IL17RD: variants seen among roughly 807,000 people sequenced by gnomAD.
IL17RD encodes the protein interleukin 17 receptor D.
In IL17RD, 52 loss-of-function variants were observed where a neutral mutation model predicts 80.5. The observed-to-expected ratio is 0.65, with a 90% confidence interval of 0.52 to 0.81. The LOEUF is 0.81. Among genes scored for constraint, IL17RD ranks in the 40% least tolerant of loss-of-function variants. The pLI is 0.00. For missense variants in IL17RD, 1,024 were observed against 955.1 expected, an observed-to-expected ratio of 1.07 and a Z score of -0.95; for synonymous variants, 416 against 391.8, an observed-to-expected ratio of 1.06 and a Z score of -0.73.
chr3:57,121,972 A>G (rs1329205345), intron 1 of IL17RD, among the ~76,000 whole-genome samples: 1 of 152,218 alleles, frequency 6.6e-6, no homozygotes, highest in Admixed American at 6.5e-5. Context: ...CCCTCATGAA[A>G]TGAATTAACA....
chr3:57,130,533 C>CCT (rs1225174610), intron 1 of IL17RD, among the ~76,000 whole-genome samples: 2 of 152,302 alleles, frequency 1.3e-5, no homozygotes, highest in East Asian at 3.9e-4. Flanking sequence ...TAAGTATCTG[C>CCT]CTCTCTCTGC....
chr3:57,141,429 G>T (rs542454038), intron 1 of IL17RD, among the ~76,000 whole-genome samples: 15 of 152,102 alleles, frequency 9.9e-5, no homozygotes, highest in Admixed American at 9.2e-4. Flanking sequence ...TTTTTGTATT[G>T]TTAGCAGTTT....
intron 1 of IL17RD, among the ~76,000 whole-genome samples, chr3:57,126,618 G>C (rs1231806465): frequency 6.6e-6 from 1 of 152,146 alleles, no homozygotes; most frequent in African/African-American, 2.4e-5. Flanking sequence ...TAACTTCCCA[G>C]AGCAACATTT....
upstream of IL17RD, among the ~76,000 whole-genome samples, chr3:57,168,447 A>G (rs542368402): frequency 3.9e-5 from 6 of 152,288 alleles, no homozygotes; most frequent in South Asian, 2.1e-4. Context: ...AGGGCACAAG[A>G]AGGAAAAGCC....
At chr3:57,105,550 A>AAAAAAAAAAAAAAT in intron 7 of IL17RD, among the ~76,000 whole-genome samples, 1 of 80,414 alleles carries the variant, frequency 1.2e-5, no homozygotes, top group Non-Finnish European at 2.3e-5. Flanking sequence ...AAAAAAAAAA[A>AAAAAAAAAAAAAAT]AAATATATAT....
At position 57,137,967 on chromosome 3, in the gene IL17RD, A is replaced by C. The variant is rs1386831; in HGVS notation, c.127-17654T>G. Reference sequence around the variant, plus strand: ...ACTTCCCTACAGATCAAGACCACTAAAAACAATCTTTAAAAATTTGACATT... The same window carrying C: ...ACTTCCCTACAGATCAAGACCACTACAAACAATCTTTAAAAATTTGACATT... On this transcript the variant is annotated intron_variant, in intron 1 of 12. Coordinates refer to ENST00000296318, the MANE Select transcript of IL17RD (RefSeq NM_017563.5). Among the ~76,000 whole-genome samples the C allele has an allele frequency of 7.4e-3, 1,134 of 152,366 alleles. 14 individuals carry two copies. Among genetic ancestry groups the C allele is most frequent in the African/African-American group, 0.026 (1,074 of 41,592 alleles).
chr3:57,157,736 C>A (rs1039589032), intron 1 of IL17RD, among the ~76,000 whole-genome samples: 3 of 152,194 alleles, frequency 2.0e-5, no homozygotes, highest in Non-Finnish European at 2.9e-5. Flanking sequence ...AGAAATCACC[C>A]GGACAGAATA....
At chr3:57,131,279 C>T (rs925423627) in intron 1 of IL17RD, among the ~76,000 whole-genome samples, 22 of 152,238 alleles carry the variant, frequency 1.4e-4, no homozygotes, top group Admixed American at 1.1e-3. Context: ...ACAGAAAGAG[C>T]CTCCAAACCT....
At chr3:57,140,572 T>C (rs1398705332) in intron 1 of IL17RD, among the ~76,000 whole-genome samples, 1 of 152,222 alleles carries the variant, frequency 6.6e-6, no homozygotes, top group East Asian at 1.9e-4. Flanking sequence ...GTTTTGGGCA[T>C]TATTCAACAT....
chr3:57,163,802 A>AGGG (rs1559489790), intron 1 of IL17RD, among the ~76,000 whole-genome samples: 6 of 7,372 alleles, frequency 8.1e-4, no homozygotes, highest in Non-Finnish European at 8.6e-4. Context: ...GCGGGGGGGG[A>AGGG]AGGGGGTGGC....
intron 1 of IL17RD, among the ~76,000 whole-genome samples, chr3:57,139,188 A>C (rs1707784923): frequency 6.6e-6 from 1 of 152,238 alleles, no homozygotes; most frequent in South Asian, 2.1e-4. Context: ...TAAAAAAATA[A>C]CAAAAAGCCA....
intron 1 of IL17RD, among the ~76,000 whole-genome samples, chr3:57,152,371 A>G (rs908147208): frequency 1.3e-5 from 2 of 152,224 alleles, no homozygotes; most frequent in African/African-American, 4.8e-5. Context: ...AAAGAAAATG[A>G]AAAGCAAAGT....
In IL17RD at chr3:57,114,692, C is replaced by T. The variant is rs778823250; in HGVS notation, c.310G>A (p.Gly104Ser). Residue 104 changes from glycine (G) to serine (S), a missense_variant and splice_region_variant, in exon 3 of 13, where the codon GGC becomes AGC. Physicochemically the swap from Gly to Ser is moderately conservative, Grantham distance 56. Transcript: ENST00000296318. ...ATGCACTCGATTTTTGACCACTCAC[C>T]GAGGGCCCCTGGGGACCAAAGAATG... ...VTILWSPGAL[G>S]IEFLKGFRVI... 7 of 1,605,004 alleles carry T rather than the reference C, an allele frequency of 4.4e-6. No individual in the cohort carries two copies. The highest frequency in any genetic ancestry group is 4.5e-5 in the East Asian group (2 of 44,790).
intron 1 of IL17RD, among the ~76,000 whole-genome samples, chr3:57,156,343 C>A (rs1057237548): frequency 3.9e-5 from 6 of 152,052 alleles, no homozygotes; most frequent in Admixed American, 2.0e-4. Flanking sequence ...GTGGGCAGAT[C>A]GCTTGAGGCC....
intron 1 of IL17RD, among the ~76,000 whole-genome samples, chr3:57,127,243 T>A (rs183145311): frequency 0.069 from 5,267 of 76,196 alleles, 697 homozygotes; most frequent in East Asian, 0.41. Flanking sequence ...AATATATAAA[T>A]ATATATATAA....
rs1226974426 is a variant in IL17RD, at chr3:57,097,855, G to A, written c.1848C>T (p.Ala616=). 1.2e-6 allele frequency: 2 copies of A among 1,613,340 alleles called. No homozygotes were observed. The highest frequency in any genetic ancestry group is 8.5e-7 in the Non-Finnish European group (1 of 1,179,702). The change falls in exon 12 of 13, where the codon GCC becomes GCT. Residue 616 remains alanine, a synonymous_variant. Transcript: ENST00000296318. ...CATGCTGACTCTCGTGCTGGGAGTC[G>A]GCTGGTCCGGTTGCCCCAAGAACAG... The part of the protein sequence containing the change: ...EAAVLGATGP[A]DSQHESQHGG...
At chr3:57,154,273 TATATATATATACACACAC>T (rs2060251941) in intron 1 of IL17RD, among the ~76,000 whole-genome samples, 1 of 128,490 alleles carries the variant, frequency 7.8e-6, no homozygotes, top group Non-Finnish European at 1.5e-5. Context: ...TATATATATA[TATATATATATACACACAC>T]ACACACACAC....
chr3:57,098,470 C>G lies in IL17RD; in HGVS notation c.1233G>C (p.Lys411Asn). ...REGQREWVIQ[K>N]IHESQFIIVV... Reference sequence around the variant, plus strand: ...CAATGATGAACTGGGACTCGTGGATCTTCTGGATGACCCATTCTCTCTGCC... The same window carrying G: ...CAATGATGAACTGGGACTCGTGGATGTTCTGGATGACCCATTCTCTCTGCC... Residue 411 changes from lysine (K) to asparagine (N), a missense_variant, in exon 12 of 13, where the codon AAG becomes AAC. By Grantham distance (94) the Lys-to-Asn change is moderately conservative. Transcript: ENST00000296318. The G allele has an allele frequency of 6.2e-7, 1 of 1,613,884 alleles. No individual in the cohort carries two copies. The highest frequency in any genetic ancestry group is 8.5e-7 in the Non-Finnish European group (1 of 1,179,826).
intron 11 of IL17RD, among the ~76,000 whole-genome samples, chr3:57,099,944 G>A (rs1033000310): frequency 2.0e-5 from 3 of 152,214 alleles, no homozygotes; most frequent in Non-Finnish European, 1.5e-5. Context: ...CTGTACGTGT[G>A]AGTTCACCTA....
Sources: gnomAD v4.1 joint callset for allele counts (sites outside exome capture counted in the v4.1 genomes callset) on GRCh38, gnomAD v4.1.1 for gene constraint, MANE v1.5 for transcripts, NCBI Gene and HGNC (gene_info 2026-07-23, HGNC 2026-07-21) for gene names.